RIN3: variants seen among roughly 807,000 people sequenced by gnomAD.
RIN3 encodes the protein Ras and Rab interactor 3.
A neutral mutation model predicts 76.3 loss-of-function variants in RIN3; 54 were observed. The ratio of observed to expected loss-of-function variants is 0.71; its 90% confidence interval spans 0.57 to 0.89. The LOEUF (loss-of-function observed/expected upper bound fraction) is 0.89. Among genes scored for constraint, RIN3 ranks in the 40% least tolerant of loss-of-function variants. RIN3 has a pLI of 0.00. For missense variants in RIN3, 1,256 were observed against 1,322.1 expected (o/e 0.95, Z 0.78); for synonymous variants, 576 against 564.0 (o/e 1.02, Z -0.30).
At chr14:92,556,054 T>C (rs1595412388) in intron 2 of RIN3, 99 bp downstream of exon 2, 2 of 901,590 alleles carry the variant, frequency 2.2e-6, no homozygotes, top group Non-Finnish European at 1.7e-6. Flanking sequence ...GCAGCTACCA[T>C]GCAGATGACT....
chr14:92,678,948 C>A (rs987801617), intron 8 of RIN3, among the ~76,000 whole-genome samples: 1 of 152,194 alleles, frequency 6.6e-6, no homozygotes, highest in African/African-American at 2.4e-5. Flanking sequence ...AGGGCAGGGA[C>A]ATCCTTGGGC....
chr14:92,650,090 T>A (rs970919336), intron 5 of RIN3, among the ~76,000 whole-genome samples: 1 of 152,242 alleles, frequency 6.6e-6, no homozygotes, highest in Admixed American at 6.5e-5. Flanking sequence ...TGAGGTCTCC[T>A]TTCAACATCA....
rs538661096 is a variant in RIN3 at position 92,615,134 on chromosome 14, C to T, written c.368-273C>T. 2.6e-5 allele frequency among the ~76,000 whole-genome samples: 4 copies of T among 152,234 alleles called. No individual in the cohort carries two copies. In the South Asian group the frequency reaches 6.2e-4, roughly 24 times the overall value. On this transcript the variant is annotated intron_variant, in intron 3 of 9. Transcript: ENST00000216487. The stretch of plus-strand genomic sequence containing the variant: ...GGGATTACAAGCATGAGCCACTGTA[C>T]CCGGCCCGGGTATGTCTTTATCAGC...
chr14:92,666,416 C>T (rs775327967), intron 7 of RIN3, among the ~76,000 whole-genome samples: 3 of 152,206 alleles, frequency 2.0e-5, no homozygotes, highest in African/African-American at 4.8e-5. Flanking sequence ...GCTTCTATCA[C>T]GGTGCCAGTG....
At chr14:92,534,343 G>A (rs1168301254) in intron 1 of RIN3, among the ~76,000 whole-genome samples, 19 of 151,630 alleles carry the variant, frequency 1.3e-4, no homozygotes, top group Admixed American at 1.2e-3. Context: ...ACTTTGGGAG[G>A]CTGAGGTGGG....
rs761672136 is a variant in RIN3 at position 92,572,231 on chromosome 14, C to T, written c.250-5129C>T. ...TGGGCTGTCTGCATGCGCAGTGGTC[C>T]GCCAGCACTTGGGAGGGGCCGCATG... On this transcript the variant is annotated intron_variant, in intron 2 of 9. Coordinates refer to ENST00000216487, the MANE Select transcript of RIN3 (RefSeq NM_024832.5). Among the ~76,000 whole-genome samples, 3 of 152,144 alleles carry T rather than the reference C, an allele frequency of 2.0e-5. No homozygotes were observed. In the East Asian group the frequency reaches 5.8e-4, roughly 29 times the overall value.
rs1274002718 is a variant in RIN3, at chr14:92,648,087, T to TC, written c.533-3492dup. 5.5e-5 allele frequency among the ~76,000 whole-genome samples: 6 copies of TC among 108,924 alleles called. No homozygotes were observed. The highest frequency in any genetic ancestry group is 6.5e-4 in the South Asian group (2 of 3,068). The allele number at this position is 108,924 out of a possible 152,430, so 71.5% of individuals were successfully genotyped here. A position where few individuals can be genotyped will look rare whatever the true frequency, so the allele number is the denominator to read the frequency against. ...CAGGCTGCAGAGAAAGTTACTCATT[T>TC]CCCTTTTTTTTTTTTTTTTGGAGCA... On this transcript the variant is annotated intron_variant, in intron 5 of 9. Coordinates refer to ENST00000216487, the MANE Select transcript of RIN3 (RefSeq NM_024832.5). The surrounding 1 kb of genome is among the most constrained non-coding windows in gnomAD (Gnocchi z 4.1).
intron 1 of RIN3, among the ~76,000 whole-genome samples, chr14:92,534,846 C>T (rs891158270): frequency 1.2e-4 from 18 of 152,056 alleles, no homozygotes; most frequent in African/African-American, 4.1e-4. Flanking sequence ...TTTATTGTTC[C>T]CCCTGAAGTG....
intron 3 of RIN3, among the ~76,000 whole-genome samples, chr14:92,610,788 A>C (rs1885702082): frequency 6.6e-6 from 1 of 152,188 alleles, no homozygotes; most frequent in African/African-American, 2.4e-5. Flanking sequence ...CCCAGCCAAC[A>C]GACAGGATTT....
intron 1 of RIN3, among the ~76,000 whole-genome samples, chr14:92,537,634 C>CTTTTTTTTTTTTTTTTTTTTTTTTTT (rs576683908): frequency 1.2e-4 from 6 of 51,636 alleles, no homozygotes; most frequent in Admixed American, 3.1e-4. Context: ...GCCTTAGGGA[C>CTTTTTTTTTTTTTTTTTTTTTTTTTT]TTTTTTTTTT....
In RIN3 at chr14:92,623,311, C is replaced by G. The variant is rs1886246487; in HGVS notation, c.440+7832C>G. Among the ~76,000 whole-genome samples the G allele has an allele frequency of 6.6e-6, 1 of 152,220 alleles. No individual in the cohort carries two copies. Among genetic ancestry groups the G allele is most frequent in the African/African-American group, 2.4e-5 (1 of 41,464 alleles). On this transcript the variant is annotated intron_variant, in intron 4 of 9. Transcript: ENST00000216487. This position sits in a 1 kb window ranked among gnomAD's most constrained non-coding sequence, Gnocchi z 4.9. ...AAACTCCACCTTTTTCTGCTAATAT[C>G]ATATCTAAGGCCATTCTGTTTTCCC...
chr14:92,612,347 A>G (rs2140100237), intron 3 of RIN3, among the ~76,000 whole-genome samples: 1 of 152,240 alleles, frequency 6.6e-6, no homozygotes, highest in Admixed American at 6.5e-5. Context: ...AGAACAAAGG[A>G]TTGTTTGTCT....
chr14:92,612,754 G>A (rs975526144), intron 3 of RIN3, among the ~76,000 whole-genome samples: 2 of 152,252 alleles, frequency 1.3e-5, no homozygotes, highest in African/African-American at 2.4e-5. Flanking sequence ...AAACAAGCAT[G>A]AGCCTTAAGC....
chr14:92,566,383 C>A (rs1897916661), intron 2 of RIN3, among the ~76,000 whole-genome samples: 1 of 152,194 alleles, frequency 6.6e-6, no homozygotes, highest in African/African-American at 2.4e-5. Context: ...AGGTCACAGG[C>A]AAATGGCTTT....
At chr14:92,567,455 A>G (rs1304648714) in intron 2 of RIN3, among the ~76,000 whole-genome samples, 1 of 152,082 alleles carries the variant, frequency 6.6e-6, no homozygotes, top group Non-Finnish European at 1.5e-5. Context: ...ATGGTCTATG[A>G]TGGCCTCACT....
intron 5 of RIN3, among the ~76,000 whole-genome samples, chr14:92,650,126 C>A (rs1887356598): frequency 6.6e-6 from 1 of 152,204 alleles, no homozygotes. Flanking sequence ...GTTGCCACAT[C>A]CTGAGTTCTG....
intron 1 of RIN3, among the ~76,000 whole-genome samples, chr14:92,542,288 A>C (rs74838670): frequency 6.7e-6 from 1 of 150,358 alleles, no homozygotes; most frequent in African/African-American, 2.4e-5. Context: ...ACCCTGTCTC[A>C]AAAAAAAAAG....
At chr14:92,603,475 G>A (rs1335415209) in intron 3 of RIN3, among the ~76,000 whole-genome samples, 1 of 152,188 alleles carries the variant, frequency 6.6e-6, no homozygotes, top group Non-Finnish European at 1.5e-5. Context: ...CCCAGAGGGT[G>A]TGGGAGGGGC....
chr14:92,657,592 A>C (rs1887718212), intron 6 of RIN3, among the ~76,000 whole-genome samples: 2 of 152,274 alleles, frequency 1.3e-5, no homozygotes, highest in South Asian at 4.1e-4. Context: ...TTCAGGAAAC[A>C]GGCCCTGGGA....
Sources: allele counts gnomAD v4.1 joint callset (sites outside exome capture counted in the v4.1 genomes callset), GRCh38; gene constraint gnomAD v4.1.1; non-coding constraint Gnocchi (gnomAD v3.1); transcripts MANE v1.5; gene names NCBI Gene and HGNC (gene_info 2026-07-23, HGNC 2026-07-21).